ESCO2: variants seen among roughly 807,000 people sequenced by gnomAD.
ESCO2 encodes the protein N-acetyltransferase ESCO2.
ESCO2 carries 51 observed loss-of-function variants against 61.7 expected under a neutral mutation model. The ratio of observed to expected loss-of-function variants is 0.83; its 90% CI spans 0.66 to 1.04. ESCO2 has a LOEUF of 1.04. Ranked by LOEUF, ESCO2 falls within the 50% of genes least tolerant of loss-of-function variation. The probability of loss-of-function intolerance (pLI) is 0.00; values close to 1 mark genes in which losing one functional copy is unlikely to be tolerated. For synonymous variants in ESCO2, 230 were observed against 238.2 expected (o/e 0.97, Z 0.32); for missense variants, 692 against 686.2 (o/e 1.01, Z -0.09).
At chr8:27,792,166 G>A in intron 8 of ESCO2, 114 bp downstream of exon 8, 1 of 960,560 alleles carries the variant, frequency 1.0e-6, no homozygotes, top group Non-Finnish European at 1.7e-6. Flanking sequence ...CCTGCTTAAT[G>A]ATTACTTTCA....
In ESCO2 at chr8:27,805,001, G is replaced by T. The variant is rs925407060; in HGVS notation, c.*1563G>T. 3.3e-5 allele frequency: 6 copies of T among 184,012 alleles called. No individual in the cohort carries two copies. Among genetic ancestry groups the T allele is most frequent in the Middle Eastern group, 3.0e-3 (1 of 330 alleles). 11.4% of individuals were successfully genotyped at this position (184,012 alleles called of 1,614,324 possible). ...AGATTGCCAAAAGAAGAGGCTTCCC[G>T]GCCGGGCGCGGTGGCTCACGCCTGT... is the stretch of plus-strand genomic sequence containing the variant. On this transcript the variant is annotated 3_prime_UTR_variant, in exon 11 of 11. Transcript: ENST00000305188.
At chr8:27,795,174 T>A (rs1416319927) in intron 9 of ESCO2, among the ~76,000 whole-genome samples, 4 of 152,218 alleles carry the variant, frequency 2.6e-5, no homozygotes, top group African/African-American at 9.6e-5. Context: ...CTTCCATTTA[T>A]GTAGATATTC....
chr8:27,776,528 G>A lies in ESCO2; in HGVS notation c.220G>A (p.Gly74Ser). 6.2e-7 allele frequency: 1 copy of A among 1,614,042 alleles called. No homozygotes were observed. The highest frequency in any genetic ancestry group is 8.5e-7 in the Non-Finnish European group (1 of 1,180,022). ...EINRLPSANQ[G>S]SPFKSALSTV... Reference sequence around the variant, plus strand: ...AAATAGACTGCCATCAGCAAATCAAGGCTCACCATTTAAATCTGCGCTCTC... The same window carrying A: ...AAATAGACTGCCATCAGCAAATCAAAGCTCACCATTTAAATCTGCGCTCTC... Residue 74 changes from glycine to serine, a missense_variant, in exon 3 of 11, where the codon GGC becomes AGC. Physicochemically the swap from Gly to Ser is moderately conservative, Grantham distance 56. Coordinates refer to ENST00000305188, the MANE Select transcript of ESCO2 (RefSeq NM_001017420.3).
chr8:27,797,119 A>G (rs967866668), intron 9 of ESCO2, among the ~76,000 whole-genome samples: 2 of 146,782 alleles, frequency 1.4e-5, no homozygotes, highest in Non-Finnish European at 3.0e-5. Flanking sequence ...CTTAAGAAAG[A>G]AAAAAAAAGT....
chr8:27,780,595 T>C (rs1482263850), intron 4 of ESCO2, among the ~76,000 whole-genome samples: 2 of 152,172 alleles, frequency 1.3e-5, no homozygotes, highest in East Asian at 3.8e-4. Flanking sequence ...CCCAAAATAA[T>C]AGAAGTTAAA....
chr8:27,794,315 G>C (rs1372635650), intron 9 of ESCO2, among the ~76,000 whole-genome samples: 1 of 152,138 alleles, frequency 6.6e-6, no homozygotes, highest in East Asian at 1.9e-4. Context: ...CAGGCGTGAG[G>C]TGATCTTGTT....
downstream of ESCO2, among the ~76,000 whole-genome samples, chr8:27,813,922 G>GTTTA (rs147015029): frequency 0.13 from 19,886 of 151,886 alleles, 1,507 homozygotes; most frequent in East Asian, 0.23. Context: ...TTTCTTATCA[G>GTTTA]TTTATTTTTC....
intron 3 of ESCO2, chr8:27,779,654 C>T (rs114257308): frequency 0.014 from 2,212 of 154,490 alleles, 48 homozygotes; most frequent in African/African-American, 0.045. Flanking sequence ...GAGAGGATGA[C>T]AGATTACAAC....
intron 5 of ESCO2, among the ~76,000 whole-genome samples, chr8:27,785,565 T>TG (rs1585397799): frequency 6.6e-6 from 1 of 151,938 alleles, no homozygotes; most frequent in African/African-American, 2.4e-5. Flanking sequence ...TTGGGCATGA[T>TG]GGGGCATGCC....
chr8:27,777,277 A>G, intron 3 of ESCO2, 108 bp downstream of exon 3: 1 of 1,014,284 alleles, frequency 9.9e-7, no homozygotes, highest in Non-Finnish European at 1.4e-6. Flanking sequence ...AAAGCCAGAT[A>G]GCATAGTGTT....
chr8:27,800,280 A>G (rs371762617), intron 10 of ESCO2, among the ~76,000 whole-genome samples: 2 of 152,236 alleles, frequency 1.3e-5, no homozygotes, highest in East Asian at 1.9e-4. Context: ...AATTCTTATA[A>G]CACAATAAAA....
chr8:27,793,681 T>A (rs1252713513), intron 9 of ESCO2, among the ~76,000 whole-genome samples: 2 of 152,002 alleles, frequency 1.3e-5, no homozygotes, highest in Admixed American at 6.6e-5. Flanking sequence ...GAGACGGGGT[T>A]TCACTATGTT....
intron 2 of ESCO2, among the ~76,000 whole-genome samples, chr8:27,775,859 A>G (rs1181530336): frequency 6.6e-6 from 1 of 152,210 alleles, no homozygotes; most frequent in Non-Finnish European, 1.5e-5. Context: ...AAATATACCA[A>G]ATCAGCTATT....
At chr8:27,795,253 T>C (rs545445832) in intron 9 of ESCO2, among the ~76,000 whole-genome samples, 1 of 152,322 alleles carries the variant, frequency 6.6e-6, no homozygotes, top group East Asian at 1.9e-4. Flanking sequence ...TTAAATGTAT[T>C]CATAAGTGGG....
chr8:27,796,199 A>G (rs544711552), intron 9 of ESCO2, among the ~76,000 whole-genome samples: 7 of 151,348 alleles, frequency 4.6e-5, no homozygotes, highest in African/African-American at 1.7e-4. Flanking sequence ...TTTATTTCTT[A>G]TAGGTTACCT....
chr8:27,783,332 A>T (rs797022106), intron 4 of ESCO2, among the ~76,000 whole-genome samples: 5 of 152,290 alleles, frequency 3.3e-5, no homozygotes, highest in African/African-American at 1.2e-4. Flanking sequence ...TGAACTATTG[A>T]CATACCATAA....
chr8:27,784,137 C>G (rs1804984994), intron 5 of ESCO2, 80 bp downstream of exon 5: 2 of 1,409,272 alleles, frequency 1.4e-6, no homozygotes, highest in Non-Finnish European at 2.0e-6. Context: ...TCTCATGCTA[C>G]TTAATTTGGG....
At chr8:27,815,899 A>C (rs1412227492), downstream of ESCO2, among the ~76,000 whole-genome samples, 2 of 152,212 alleles carry the variant, frequency 1.3e-5, no homozygotes, top group East Asian at 3.8e-4. Flanking sequence ...TCTGACAACA[A>C]AAGTTTGATG....
downstream of ESCO2, among the ~76,000 whole-genome samples, chr8:27,816,643 T>G (rs1805821030): frequency 1.3e-5 from 2 of 152,024 alleles, no homozygotes; most frequent in South Asian, 4.1e-4. Flanking sequence ...CCCAAAGTGC[T>G]GGGATTACAG....
Sources: gnomAD v4.1 joint callset for allele counts (sites outside exome capture counted in the v4.1 genomes callset) on GRCh38, gnomAD v4.1.1 for gene constraint, MANE v1.5 for transcripts, NCBI Gene and HGNC (gene_info 2026-07-23, HGNC 2026-07-21) for gene names.